The following SRSF12 variants were observed in gnomAD, a reference collection of about 807,000 sequenced individuals.
The protein encoded by SRSF12 is serine/arginine-rich splicing factor 12.
Under a neutral mutation model 34.1 loss-of-function variants are expected in SRSF12, and 21 were observed. That is an observed-to-expected ratio of 0.62 (90% CI 0.44 to 0.89). The LOEUF (loss-of-function observed/expected upper bound fraction) is 0.89, where lower values mean the gene tolerates loss of function less well. Ranked by LOEUF, SRSF12 falls within the 40% of genes least tolerant of loss-of-function variation. SRSF12 has a pLI of 0.00. For synonymous variants in SRSF12, 111 were observed against 110.8 expected, an observed-to-expected ratio of 1.00 and a Z score of -0.01; for missense variants, 278 against 327.8, an observed-to-expected ratio of 0.85 and a Z score of 1.17.
chr6:89,101,046 T>C (rs943989945), intron 4 of SRSF12, among the ~76,000 whole-genome samples: 33 of 150,498 alleles, frequency 2.2e-4, no homozygotes, highest in African/African-American at 7.3e-4. Flanking sequence ...GAGGCAGAGG[T>C]TGCAGTGAGC....
intron 4 of SRSF12, among the ~76,000 whole-genome samples, chr6:89,102,649 A>G (rs1361921637): frequency 6.6e-6 from 1 of 152,200 alleles, no homozygotes. Context: ...GTTGAGGAGC[A>G]ATTTTAACAC....
chr6:89,109,424 A>T (rs1440096038), intron 1 of SRSF12, among the ~76,000 whole-genome samples: 1 of 152,144 alleles, frequency 6.6e-6, no homozygotes, highest in Non-Finnish European at 1.5e-5. Flanking sequence ...TTACCATTTA[A>T]GAGTTAAGGA....
At chr6:89,107,784 C>T (rs1457991032) in intron 1 of SRSF12, among the ~76,000 whole-genome samples, 1 of 152,036 alleles carries the variant, frequency 6.6e-6, no homozygotes, top group East Asian at 1.9e-4. Context: ...ATTCTCAGAC[C>T]TCTCTTGGAG....
At chr6:89,099,531 C>T (rs866036478) in intron 4 of SRSF12, among the ~76,000 whole-genome samples, 2 of 104,326 alleles carry the variant, frequency 1.9e-5, no homozygotes, top group Admixed American at 1.1e-4. Flanking sequence ...CACACACACA[C>T]ATACATGTTT....
chr6:89,099,458 ATATATGTGTGTG>A (rs1582249722), intron 4 of SRSF12, among the ~76,000 whole-genome samples: 1 of 146,324 alleles, frequency 6.8e-6, no homozygotes, highest in Admixed American at 6.8e-5. Flanking sequence ...ATATGTGTGT[ATATATGTGTGTG>A]TATATATATA....
At position 89,096,372 on chromosome 6, in the gene SRSF12, G is replaced by C. The variant is rs544519369; in HGVS notation, c.*2206C>G. ...ACTAGGTTGGCGCAAAAGTAATTGC[G>C]GGATATTTACCTCATAAGAGTGTTG... is the stretch of plus-strand genomic sequence containing the variant. On this transcript the variant is annotated 3_prime_UTR_variant, in exon 5 of 5. Coordinates refer to ENST00000452027, the MANE Select transcript of SRSF12 (RefSeq NM_080743.5). 1 of 152,122 alleles carries C rather than the reference G, an allele frequency of 6.6e-6. No homozygotes were observed. Among genetic ancestry groups the C allele is most frequent in the African/African-American group, 2.4e-5 (1 of 41,414 alleles). The allele number at this position is 152,122 out of a possible 1,614,324, so 9.4% of individuals were successfully genotyped here.
rs1769402605 is a variant in SRSF12, at chr6:89,118,062, G to GCTGGA, written c.-176_-175insTCCAG. ...GCCGGCGCAGAGGGGGCGCAGCGCGGCGCCAGCCTGGACGCACGGGCCGGG... is the reference window on the plus strand; with the variant it reads ...GCCGGCGCAGAGGGGGCGCAGCGCGGCTGGACGCCAGCCTGGACGCACGGGCCGGG... On this transcript the variant is annotated 5_prime_UTR_variant, in exon 1 of 5. Transcript: ENST00000452027. The GCTGGA allele has an allele frequency of 3.1e-6, 1 of 317,556 alleles. No homozygotes were observed. The highest frequency in any genetic ancestry group is 2.3e-5 in the African/African-American group (1 of 43,618). The allele number at this position is 317,556 out of a possible 1,614,324, so 19.7% of individuals were successfully genotyped here.
At chr6:89,116,107 G>A (rs1306432167) in intron 1 of SRSF12, among the ~76,000 whole-genome samples, 1 of 152,186 alleles carries the variant, frequency 6.6e-6, no homozygotes, top group African/African-American at 2.4e-5. Flanking sequence ...GCACCTTTTA[G>A]ATGGCATATT....
At position 89,099,613 on chromosome 6, in the gene SRSF12, G is replaced by A. The variant is rs1447923426; in HGVS notation, c.417-666C>T. On this transcript the variant is annotated intron_variant, in intron 4 of 4. Transcript: ENST00000452027. ...TGCAATGGCACGATCTCAGCTCACCGCAACCTCCGCCTCCCAGGTTTGAGC... is the reference window on the plus strand; with the variant it reads ...TGCAATGGCACGATCTCAGCTCACCACAACCTCCGCCTCCCAGGTTTGAGC... 3.2e-4 allele frequency among the ~76,000 whole-genome samples: 47 copies of A among 147,460 alleles called. 3 individuals are homozygous for A. The highest frequency in any genetic ancestry group is 1.4e-4 in the Admixed American group (2 of 14,490).
chr6:89,103,991 C>CTTTTTTTTTTTTTTTT (rs55760020), intron 4 of SRSF12, among the ~76,000 whole-genome samples: 1 of 81,964 alleles, frequency 1.2e-5, no homozygotes, highest in African/African-American at 4.7e-5. Context: ...TATTATATTT[C>CTTTTTTTTTTTTTTTT]TTTTTTTTTT....
chr6:89,117,727 T>C (rs900639757), intron 1 of SRSF12, 96 bp downstream of exon 1: 3 of 1,253,626 alleles, frequency 2.4e-6, no homozygotes, highest in Non-Finnish European at 2.1e-6. Flanking sequence ...TCCGCGCAGC[T>C]CCCCCGAGCC....
At chr6:89,102,248 A>T (rs774525091) in intron 4 of SRSF12, among the ~76,000 whole-genome samples, 1 of 152,138 alleles carries the variant, frequency 6.6e-6, no homozygotes, top group African/African-American at 2.4e-5. Context: ...GGTTCAAGCG[A>T]TTCTCCTGCC....
At chr6:89,112,168 G>A (rs1323431579) in intron 1 of SRSF12, among the ~76,000 whole-genome samples, 6 of 151,824 alleles carry the variant, frequency 4.0e-5, no homozygotes, top group East Asian at 3.9e-4. Flanking sequence ...CGCCCGCCTC[G>A]GCCTCCCAAA....
At chr6:89,113,100 T>G (rs180882909) in intron 1 of SRSF12, among the ~76,000 whole-genome samples, 4 of 152,338 alleles carry the variant, frequency 2.6e-5, no homozygotes, top group African/African-American at 9.6e-5. Context: ...TCTCTGTCCT[T>G]AACTGATGCA....
At chr6:89,101,949 T>A (rs1015713118) in intron 4 of SRSF12, among the ~76,000 whole-genome samples, 1 of 151,724 alleles carries the variant, frequency 6.6e-6, no homozygotes, top group Non-Finnish European at 1.5e-5. Context: ...TATCAGCAGA[T>A]GTGTACTATA....
At chr6:89,113,595 C>T (rs1769156499) in intron 1 of SRSF12, among the ~76,000 whole-genome samples, 1 of 152,158 alleles carries the variant, frequency 6.6e-6, no homozygotes, top group African/African-American at 2.4e-5. Context: ...AGATGTGAGC[C>T]ACCGTGCCAG....
chr6:89,110,371 A>G (rs1401453150), intron 1 of SRSF12, among the ~76,000 whole-genome samples: 6 of 152,204 alleles, frequency 3.9e-5, no homozygotes. Flanking sequence ...TAGGGTTTAA[A>G]TACCCTCTAA....
intron 1 of SRSF12, among the ~76,000 whole-genome samples, chr6:89,109,137 C>A (rs1768927150): frequency 6.6e-6 from 1 of 152,166 alleles, no homozygotes; most frequent in Non-Finnish European, 1.5e-5. Flanking sequence ...GATTCTCAAC[C>A]TCTCCTGAGT....
intron 2 of SRSF12, 34 bp from the exon 3 acceptor site, chr6:89,105,564 A>G (rs369780296): frequency 1.4e-6 from 2 of 1,420,590 alleles, no homozygotes; most frequent in Non-Finnish European, 1.9e-6. Context: ...TGAACATGAG[A>G]TATCAAGTAA....
Sources: gnomAD v4.1 joint callset for allele counts (sites outside exome capture counted in the v4.1 genomes callset) on GRCh38, gnomAD v4.1.1 for gene constraint, MANE v1.5 for transcripts, NCBI Gene and HGNC (gene_info 2026-07-23, HGNC 2026-07-21) for gene names.